The following PDE4D variants were observed in gnomAD, a reference collection of about 807,000 sequenced individuals.
PDE4D encodes the protein 3',5'-cyclic-AMP phosphodiesterase 4D.
Under a neutral mutation model 87.4 loss-of-function variants are expected in PDE4D, and 24 were observed. The observed-to-expected ratio is 0.27, with a 90% CI of 0.20 to 0.39. The LOEUF is 0.39. Among genes scored for constraint, PDE4D ranks in the 10% least tolerant of loss-of-function variants. The pLI, the probability that PDE4D is intolerant of heterozygous loss-of-function variation, is 1.00. For synonymous variants in PDE4D, 384 were observed against 383.2 expected (o/e 1.00, Z -0.02); for missense variants, 714 against 1,041.0 (o/e 0.69, Z 4.32).
At chr5:60,027,163 A>G (rs2152856642) in intron 2 of PDE4D, among the ~76,000 whole-genome samples, 1 of 152,116 alleles carries the variant, frequency 6.6e-6, no homozygotes, top group East Asian at 1.9e-4. Flanking sequence ...CTTCTATTGA[A>G]CCTGTCACCT....
chr5:59,104,524 A>G (rs2153435216), intron 5 of PDE4D, among the ~76,000 whole-genome samples: 1 of 152,360 alleles, frequency 6.6e-6, no homozygotes, highest in East Asian at 1.9e-4. Context: ...AGGGATACAT[A>G]GCCTTGAAAT....
At chr5:59,893,053 C>G in intron 1 of PDE4D, 115 bp downstream of exon 1, 1 of 1,086,080 alleles carries the variant, frequency 9.2e-7, no homozygotes, top group South Asian at 1.5e-5. Context: ...AATTTCCAGA[C>G]TAGCATTTTA....
intron 1 of PDE4D, among the ~76,000 whole-genome samples, chr5:59,531,278 A>C (rs1814173305): frequency 6.6e-6 from 1 of 152,136 alleles, no homozygotes; most frequent in Non-Finnish European, 1.5e-5. Flanking sequence ...CTTGCCCTTC[A>C]TCTCCTTTGA....
At chr5:59,736,529 A>G (rs895045856) in intron 1 of PDE4D, among the ~76,000 whole-genome samples, 14 of 151,988 alleles carry the variant, frequency 9.2e-5, no homozygotes, top group Non-Finnish European at 1.6e-4. Flanking sequence ...AAATTCAAAA[A>G]CTAGCCGGGC....
At chr5:59,042,949 C>T (rs185709036) in intron 5 of PDE4D, among the ~76,000 whole-genome samples, 1 of 152,290 alleles carries the variant, frequency 6.6e-6, no homozygotes, top group East Asian at 1.9e-4. Context: ...CAGCAGTTAG[C>T]TAGAGGTTGA....
chr5:59,662,053 C>T (rs1218509157), intron 1 of PDE4D, among the ~76,000 whole-genome samples: 1 of 152,130 alleles, frequency 6.6e-6, no homozygotes. Flanking sequence ...GACAGTCTGT[C>T]ATTTTAGATC....
intron 1 of PDE4D, among the ~76,000 whole-genome samples, chr5:60,308,053 A>G (rs36004779): frequency 0.21 from 32,248 of 152,048 alleles, 3,674 homozygotes; most frequent in South Asian, 0.4. Context: ...ACAAAACAAA[A>G]CAAAACAAAA....
chr5:59,556,543 A>G (rs912881649), intron 1 of PDE4D, among the ~76,000 whole-genome samples: 2 of 152,206 alleles, frequency 1.3e-5, no homozygotes, highest in Admixed American at 6.5e-5. Context: ...TCCAAACAGT[A>G]TCCCAGGGGA....
intron 2 of PDE4D, among the ~76,000 whole-genome samples, chr5:60,068,487 A>G (rs1772349613): frequency 1.3e-5 from 2 of 151,920 alleles, no homozygotes; most frequent in African/African-American, 2.4e-5. Flanking sequence ...TTTATTTTAG[A>G]TATTTTGGAT....
chr5:59,395,027 C>A (rs111698757), intron 1 of PDE4D, among the ~76,000 whole-genome samples: 2,253 of 152,260 alleles, frequency 0.015, 60 homozygotes, highest in African/African-American at 0.052. Flanking sequence ...TTCCGACGGG[C>A]TTAAAAAACA....
Position 60,311,682 on chromosome 5 carries a change from CA to C in PDE4D, c.-89-125996del, listed in dbSNP as rs1286549432. On this transcript the variant is annotated intron_variant, in intron 1 of 16. Coordinates refer to the PDE4D transcript ENST00000502484. Reference sequence around the variant, plus strand: ...TCAAGTCTGCATAATAACCAGCTAACAACATGATGACAGAATCAACTCCACA... The same window carrying C: ...TCAAGTCTGCATAATAACCAGCTAACACATGATGACAGAATCAACTCCACA... 3.3e-5 allele frequency among the ~76,000 whole-genome samples: 5 copies of C among 152,178 alleles called. No individual in the cohort carries two copies. In the South Asian group the frequency reaches 6.2e-4, roughly 19 times the overall value.
At chr5:60,374,360 T>C (rs1319779186) in intron 1 of PDE4D, among the ~76,000 whole-genome samples, 1 of 152,204 alleles carries the variant, frequency 6.6e-6, no homozygotes, top group Non-Finnish European at 1.5e-5. Flanking sequence ...CAAAAAAGAA[T>C]GGCACTAGCT....
chr5:59,947,160 G>A (rs1223276278), intron 3 of PDE4D, among the ~76,000 whole-genome samples: 1 of 152,216 alleles, frequency 6.6e-6, no homozygotes. Context: ...TGGTTGTTAT[G>A]TGATTACATT....
At chr5:59,629,107 A>G (rs774037687) in intron 1 of PDE4D, among the ~76,000 whole-genome samples, 1 of 152,128 alleles carries the variant, frequency 6.6e-6, no homozygotes, top group Non-Finnish European at 1.5e-5. Context: ...CCCTCCCACT[A>G]CACGTGCGGA....
chr5:59,410,843 A>C (rs1195026886), intron 1 of PDE4D, among the ~76,000 whole-genome samples: 1 of 152,116 alleles, frequency 6.6e-6, no homozygotes, highest in Non-Finnish European at 1.5e-5. Flanking sequence ...ATTTTTATAG[A>C]AAAACAATTT....
At chr5:59,021,403 G>A (rs1453761774) in intron 6 of PDE4D, among the ~76,000 whole-genome samples, 1 of 152,090 alleles carries the variant, frequency 6.6e-6, no homozygotes, top group Non-Finnish European at 1.5e-5. Flanking sequence ...GATTTCAAAG[G>A]CACACTCTGT....
chr5:59,684,042 T>C (rs1749462109), intron 1 of PDE4D, among the ~76,000 whole-genome samples: 1 of 152,216 alleles, frequency 6.6e-6, no homozygotes, highest in African/African-American at 2.4e-5. Context: ...CAAGGCTCTC[T>C]GTACTACAAA....
intron 1 of PDE4D, among the ~76,000 whole-genome samples, chr5:59,432,872 G>T (rs188424003): frequency 6.6e-6 from 1 of 152,040 alleles, no homozygotes; most frequent in Admixed American, 6.6e-5. Flanking sequence ...TTATTAATTT[G>T]CATAATTATG....
intron 1 of PDE4D, among the ~76,000 whole-genome samples, chr5:59,762,019 C>T (rs1762027718): frequency 6.6e-6 from 1 of 152,078 alleles, no homozygotes; most frequent in Non-Finnish European, 1.5e-5. Flanking sequence ...TATTATGGGA[C>T]CACCATCAAA....
Sources: gnomAD v4.1 joint callset for allele counts (sites outside exome capture counted in the v4.1 genomes callset) on GRCh38, gnomAD v4.1.1 for gene constraint, MANE v1.5 for transcripts, NCBI Gene and HGNC (gene_info 2026-07-23, HGNC 2026-07-21) for gene names.